Variants in EVI5 observed in about 807,000 individuals in gnomAD.
The protein encoded by EVI5 is ecotropic viral integration site 5 protein homolog.
EVI5 carries 73 observed loss-of-function variants against 112.0 expected under a neutral mutation model. The ratio of observed to expected loss-of-function variants is 0.65; its 90% CI spans 0.54 to 0.79. The LOEUF (loss-of-function observed/expected upper bound fraction) is 0.79. Ranked by LOEUF, EVI5 falls within the 30% of genes least tolerant of loss-of-function variation. The pLI is 0.00. For missense variants in EVI5, 900 were observed against 968.8 expected (o/e 0.93, Z 0.94); for synonymous variants, 305 against 319.9 (o/e 0.95, Z 0.50).
intron 18 of EVI5, among the ~76,000 whole-genome samples, chr1:92,577,833 T>C (rs1259506711): frequency 6.6e-6 from 1 of 152,236 alleles, no homozygotes; most frequent in Non-Finnish European, 1.5e-5. Flanking sequence ...TCTAGACAGA[T>C]ATTTTAATAT....
At chr1:92,612,974 G>A (rs115269955) in intron 16 of EVI5, among the ~76,000 whole-genome samples, 3,158 of 152,244 alleles carry the variant, frequency 0.021, 123 homozygotes, top group African/African-American at 0.071. Flanking sequence ...GTACCCCAAC[G>A]GGTACACACA....
At chr1:92,585,893 A>G (rs1296871005) in intron 18 of EVI5, among the ~76,000 whole-genome samples, 1 of 151,450 alleles carries the variant, frequency 6.6e-6, no homozygotes, top group Non-Finnish European at 1.5e-5. Context: ...TCCAAGACAC[A>G]TTACATTTAG....
At position 92,607,592 on chromosome 1, in the gene EVI5, T is replaced by C. The variant is rs1226060780; in HGVS notation, c.1963A>G (p.Ile655Val). Residue 655 changes from isoleucine (I) to valine (V), a missense_variant, in exon 17 of 20, where the codon ATT becomes GTT. Ile to Val is a conservative substitution (Grantham distance 29). Transcript: ENST00000684568. The part of the protein sequence containing the change: ...LSEAKRKQAE[I>V]ECKNKEEVMA... Reference sequence around the variant, plus strand: ...GTTGACATATTTACCTTGCATTCAATCTCTGCTTGTTTACGCTTTGCTTCA... The same window carrying C: ...GTTGACATATTTACCTTGCATTCAACCTCTGCTTGTTTACGCTTTGCTTCA... 1 of 1,578,146 alleles carries C rather than the reference T, an allele frequency of 6.3e-7. No homozygotes were observed. The highest frequency in any genetic ancestry group is 8.6e-7 in the Non-Finnish European group (1 of 1,168,368).
intron 13 of EVI5, among the ~76,000 whole-genome samples, chr1:92,645,933 C>T (rs1660862797): frequency 6.6e-6 from 1 of 152,186 alleles, no homozygotes; most frequent in Non-Finnish European, 1.5e-5. Flanking sequence ...AAGGCAACCA[C>T]AACTCTGATC....
chr1:92,778,780 C>A (rs768714311), intron 1 of EVI5, among the ~76,000 whole-genome samples: 60 of 152,204 alleles, frequency 3.9e-4, no homozygotes, highest in Middle Eastern at 6.8e-3. Context: ...GGGAGTGAGA[C>A]AACAGAAGAA....
intron 11 of EVI5, 46 bp downstream of exon 11, chr1:92,665,893 A>G (rs1558027278): frequency 7.5e-7 from 1 of 1,327,494 alleles, no homozygotes; most frequent in Non-Finnish European, 1.1e-6. Context: ...TACAGAAAAA[A>G]CACCAGGCAT....
chr1:92,634,737 T>C (rs965975937), intron 14 of EVI5, among the ~76,000 whole-genome samples: 1 of 152,258 alleles, frequency 6.6e-6, no homozygotes, highest in African/African-American at 2.4e-5. Flanking sequence ...TGCGTTCCTT[T>C]AGAGGAGAAG....
rs182552477 is a variant in EVI5 at position 92,675,573 on chromosome 1, G to A, written c.1158+1585C>T. On this transcript the variant is annotated intron_variant, in intron 10 of 19. Coordinates refer to ENST00000684568, the MANE Select transcript of EVI5 (RefSeq NM_001350197.2). ...TGATTTGCAGTTCCGAATATTCGTA[G>A]TATGTGAAAACTCATACTCTCTCCC... is the stretch of plus-strand genomic sequence containing the variant. 2.7e-3 allele frequency among the ~76,000 whole-genome samples: 407 copies of A among 152,050 alleles called. 1 individual carries two copies. Among genetic ancestry groups the A allele is most frequent in the Non-Finnish European group, 4.6e-3 (314 of 67,986 alleles).
chr1:92,708,148 T>C (rs1348082104), intron 2 of EVI5, among the ~76,000 whole-genome samples: 1 of 151,522 alleles, frequency 6.6e-6, no homozygotes, highest in Non-Finnish European at 1.5e-5. Context: ...ACAGATACAC[T>C]GGAATTCATC....
At chr1:92,728,387 C>CTTTT (rs60133611) in intron 2 of EVI5, among the ~76,000 whole-genome samples, 2 of 148,366 alleles carry the variant, frequency 1.3e-5, no homozygotes, top group African/African-American at 2.5e-5. Flanking sequence ...TCTTTTTTTT[C>CTTTT]TTTTTTTTTT....
At chr1:92,629,013 C>T (rs750202819) in intron 14 of EVI5, among the ~76,000 whole-genome samples, 5 of 152,210 alleles carry the variant, frequency 3.3e-5, no homozygotes, top group Non-Finnish European at 5.9e-5. Flanking sequence ...AACACAGCCA[C>T]TTACGAAATC....
rs944138325 is a variant in EVI5, at chr1:92,624,115, G to A, written c.1827+61C>T. ...CTCTGTTCTAGGGATGATACAATCT[G>A]TGCACAAACCCTTGATCAGCTAATG... On this transcript the variant is annotated intron_variant, in intron 16 of 19. Coordinates refer to ENST00000684568, the MANE Select transcript of EVI5 (RefSeq NM_001350197.2). 6 of 1,390,278 alleles carry A rather than the reference G, an allele frequency of 4.3e-6. No homozygotes were observed. In the African/African-American group the frequency reaches 7.1e-5, roughly 17 times the overall value. The allele number at this position is 1,390,278 out of a possible 1,614,324, so 86.1% of individuals were successfully genotyped here. A position where few individuals can be genotyped will look rare whatever the true frequency, so the allele number is the denominator to read the frequency against.
intron 18 of EVI5, among the ~76,000 whole-genome samples, chr1:92,591,377 C>T (rs988773267): frequency 2.2e-4 from 34 of 152,114 alleles, no homozygotes; most frequent in Non-Finnish European, 1.5e-5. Context: ...ACCTCAAGTG[C>T]AGAGACACAC....
intron 1 of EVI5, among the ~76,000 whole-genome samples, chr1:92,790,161 A>T (rs756475469): frequency 2.6e-5 from 4 of 152,126 alleles, no homozygotes; most frequent in African/African-American, 4.8e-5. Context: ...AAATAAAAAT[A>T]AAAAAATTAG....
At chr1:92,755,328 T>C (rs1000115943) in intron 1 of EVI5, among the ~76,000 whole-genome samples, 8 of 152,052 alleles carry the variant, frequency 5.3e-5, no homozygotes, top group African/African-American at 1.7e-4. Flanking sequence ...GGAGAATCAC[T>C]TGAACCCAGG....
chr1:92,551,658 A>G (rs1397092497), intron 19 of EVI5, among the ~76,000 whole-genome samples: 2 of 152,180 alleles, frequency 1.3e-5, no homozygotes, highest in Non-Finnish European at 2.9e-5. Context: ...TTAGATGTTT[A>G]TATTTCATTT....
intron 18 of EVI5, among the ~76,000 whole-genome samples, chr1:92,564,513 C>A (rs1239526781): frequency 6.6e-6 from 1 of 152,060 alleles, no homozygotes; most frequent in Non-Finnish European, 1.5e-5. Flanking sequence ...TTAATTAGCT[C>A]TCGATGTGGA....
chr1:92,689,496 G>A (rs1669119177), intron 9 of EVI5, among the ~76,000 whole-genome samples: 1 of 152,100 alleles, frequency 6.6e-6, no homozygotes, highest in South Asian at 2.1e-4. Flanking sequence ...TTGAGTAGCT[G>A]GGACCACAGG....
chr1:92,590,149 A>G (rs556640225), intron 18 of EVI5, among the ~76,000 whole-genome samples: 12 of 152,326 alleles, frequency 7.9e-5, no homozygotes, highest in African/African-American at 2.9e-4. Context: ...CGTAGATAAA[A>G]CCACAAAGAT....
Sources: allele counts gnomAD v4.1 joint callset (sites outside exome capture counted in the v4.1 genomes callset), GRCh38; gene constraint gnomAD v4.1.1; transcripts MANE v1.5; gene names NCBI Gene and HGNC (gene_info 2026-07-23, HGNC 2026-07-21).